Variants in CNTN5 observed in about 807,000 individuals in gnomAD.
CNTN5 encodes the protein contactin 5.
In CNTN5, 77 loss-of-function variants were observed where a neutral mutation model predicts 129.1. The ratio of observed to expected loss-of-function variants is 0.60; its 90% CI spans 0.50 to 0.72. CNTN5 has a LOEUF of 0.72. Among genes scored for constraint, CNTN5 ranks in the 30% least tolerant of loss-of-function variants. The probability of loss-of-function intolerance (pLI) is 0.00; values close to 1 mark genes in which losing one functional copy is unlikely to be tolerated. For synonymous variants in CNTN5, 509 were observed against 465.6 expected (o/e 1.09, Z -1.20); for missense variants, 1,478 against 1,328.8 (o/e 1.11, Z -1.75).
At position 100,061,172 on chromosome 11, in the gene CNTN5, G is replaced by T; in HGVS notation, c.981-40G>T. The T allele has an allele frequency of 2.0e-6, 3 of 1,498,432 alleles. No homozygotes were observed. The South Asian group carries it at 3.7e-5, about 19-fold the overall frequency. The allele number at this position is 1,498,432 out of a possible 1,614,324, so 92.8% of individuals were successfully genotyped here. ...GATAACAGAATCTATGTTCCTAACA[G>T]TGGAGAGTGTATTAACAGTATTTTT... is the stretch of plus-strand genomic sequence containing the variant. On this transcript the variant is annotated intron_variant, in intron 9 of 24. Coordinates refer to ENST00000524871, the MANE Select transcript of CNTN5 (RefSeq NM_014361.4).
intron 2 of CNTN5, among the ~76,000 whole-genome samples, chr11:99,473,423 T>TATAACC (rs1945250704): frequency 6.6e-6 from 1 of 152,186 alleles, no homozygotes; most frequent in Non-Finnish European, 1.5e-5. Flanking sequence ...AGAAGTAATT[T>TATAACC]ATAACCCTTT....
rs147577257 is a variant in CNTN5 at position 99,052,076 on chromosome 11, T to G, written c.-210+30806T>G. ...TAGTTATGCTAAGGCAGTTGTGAAG[T>G]TGTAAATAGTGGTTTAGCATGGCAG... On this transcript the variant is annotated intron_variant, in intron 1 of 24. Coordinates refer to ENST00000524871, the MANE Select transcript of CNTN5 (RefSeq NM_014361.4). 7.5e-3 allele frequency among the ~76,000 whole-genome samples: 1,147 copies of G among 151,948 alleles called. 18 individuals carry two copies. Among genetic ancestry groups the G allele is most frequent in the African/African-American group, 0.026 (1,098 of 41,520 alleles).
chr11:99,774,864 TA>T (rs994899864), intron 3 of CNTN5, among the ~76,000 whole-genome samples: 19 of 151,794 alleles, frequency 1.3e-4, no homozygotes, highest in East Asian at 7.7e-4. Context: ...AACAAAATAT[TA>T]AAAAAAAATT....
intron 3 of CNTN5, among the ~76,000 whole-genome samples, chr11:99,585,416 A>T (rs1949761578): frequency 6.6e-6 from 1 of 152,192 alleles, no homozygotes; most frequent in Non-Finnish European, 1.5e-5. Flanking sequence ...CTATTAAGCT[A>T]AATTCAGTTT....
chr11:99,110,922 T>G (rs937885341), intron 1 of CNTN5, among the ~76,000 whole-genome samples: 62 of 152,298 alleles, frequency 4.1e-4, no homozygotes, highest in African/African-American at 1.3e-3. Context: ...GTTTTTATTT[T>G]TTCTTAAGCC....
At chr11:99,710,879 T>C (rs1448791185) in intron 3 of CNTN5, among the ~76,000 whole-genome samples, 2 of 152,024 alleles carry the variant, frequency 1.3e-5, no homozygotes, top group African/African-American at 2.4e-5. Context: ...TACTAAAACA[T>C]ATTTAGAACA....
intron 1 of CNTN5, among the ~76,000 whole-genome samples, chr11:99,037,975 G>A (rs899740945): frequency 3.3e-5 from 5 of 151,522 alleles, no homozygotes; most frequent in Non-Finnish European, 7.4e-5. Flanking sequence ...TAAACACGGG[G>A]GTATTTATTT....
intron 13 of CNTN5, among the ~76,000 whole-genome samples, chr11:100,089,526 A>C (rs563589500): frequency 1.4e-3 from 220 of 152,300 alleles, no homozygotes; most frequent in Middle Eastern, 3.4e-3. Flanking sequence ...ACAACCAAAA[A>C]TACCATTTGA....
intron 3 of CNTN5, among the ~76,000 whole-genome samples, chr11:99,609,426 A>T (rs1305428966): frequency 6.6e-6 from 1 of 152,078 alleles, no homozygotes; most frequent in Non-Finnish European, 1.5e-5. Flanking sequence ...GATCAGAAAG[A>T]CCCCACCTGT....
At chr11:100,076,905 G>A (rs1457453148) in intron 13 of CNTN5, among the ~76,000 whole-genome samples, 1 of 152,032 alleles carries the variant, frequency 6.6e-6, no homozygotes, top group Non-Finnish European at 1.5e-5. Context: ...GAAGAAAAAT[G>A]TAGTTCACTA....
intron 1 of CNTN5, among the ~76,000 whole-genome samples, chr11:99,031,527 A>C (rs954433751): frequency 2.6e-5 from 4 of 152,046 alleles, no homozygotes; most frequent in Non-Finnish European, 5.9e-5. Context: ...GAGGAAAAAA[A>C]GGTGAAGAAA....
intron 2 of CNTN5, among the ~76,000 whole-genome samples, chr11:99,505,491 C>G (rs979098918): frequency 2.0e-5 from 3 of 151,992 alleles, no homozygotes; most frequent in African/African-American, 7.3e-5. Flanking sequence ...AAATTTTTTT[C>G]AACATAACTT....
At chr11:100,040,329 A>C (rs1264862579) in intron 9 of CNTN5, among the ~76,000 whole-genome samples, 1 of 152,148 alleles carries the variant, frequency 6.6e-6, no homozygotes, top group Non-Finnish European at 1.5e-5. Context: ...TTCCTCTGGA[A>C]GTTTTGTCTC....
intron 1 of CNTN5, among the ~76,000 whole-genome samples, chr11:99,301,345 G>A (rs1864625786): frequency 6.6e-6 from 1 of 151,410 alleles, no homozygotes; most frequent in Non-Finnish European, 1.5e-5. Flanking sequence ...AGATTTACAA[G>A]AGAGATACAC....
intron 9 of CNTN5, among the ~76,000 whole-genome samples, chr11:100,045,069 C>A (rs987602849): frequency 3.3e-5 from 5 of 152,072 alleles, no homozygotes; most frequent in Non-Finnish European, 5.9e-5. Context: ...TGTAATCTCA[C>A]ATCGTGTATC....
chr11:99,901,403 A>C (rs2135950498), intron 6 of CNTN5, among the ~76,000 whole-genome samples: 1 of 151,970 alleles, frequency 6.6e-6, no homozygotes, highest in Non-Finnish European at 1.5e-5. Flanking sequence ...TGGTTCTCCC[A>C]CCTCAGTCTC....
intron 1 of CNTN5, among the ~76,000 whole-genome samples, chr11:99,279,421 C>A (rs1237985754): frequency 6.6e-6 from 1 of 151,808 alleles, no homozygotes; most frequent in Admixed American, 6.6e-5. Flanking sequence ...ACAGACTAAT[C>A]AATCTAATTC....
intron 1 of CNTN5, among the ~76,000 whole-genome samples, chr11:99,322,992 G>A (rs751437696): frequency 3.3e-5 from 5 of 151,992 alleles, no homozygotes; most frequent in African/African-American, 4.8e-5. Flanking sequence ...TCAGTAAGTC[G>A]CCTACGATTA....
intron 3 of CNTN5, among the ~76,000 whole-genome samples, chr11:99,666,871 A>G (rs955516554): frequency 6.6e-6 from 1 of 152,190 alleles, no homozygotes; most frequent in African/African-American, 2.4e-5. Context: ...TATTAAGATT[A>G]AAATCCGTTA....
Sources: gnomAD v4.1 joint callset for allele counts (sites outside exome capture counted in the v4.1 genomes callset) on GRCh38, gnomAD v4.1.1 for gene constraint, MANE v1.5 for transcripts, NCBI Gene and HGNC (gene_info 2026-07-23, HGNC 2026-07-21) for gene names.